Variants in SBK2 observed in about 807,000 individuals in gnomAD.
The protein encoded by SBK2 is serine/threonine-protein kinase SBK2.
Under a neutral mutation model 15.9 loss-of-function variants are expected in SBK2, and 18 were observed. The observed-to-expected ratio is 1.13, with a 90% confidence interval of 0.78 to 1.68. SBK2 has a LOEUF of 1.68. SBK2 is among the 40% of genes most tolerant of loss of function. SBK2 has a pLI of 0.00. For missense variants in SBK2, 581 were observed against 510.9 expected (o/e 1.14, Z -1.32); for synonymous variants, 284 against 246.8 (o/e 1.15, Z -1.41).
chr19:55,532,601 C>CTTTTTTTT (rs10682612), intron 2 of SBK2, among the ~76,000 whole-genome samples: 1 of 128,374 alleles, frequency 7.8e-6, no homozygotes. Flanking sequence ...TACACCCGCC[C>CTTTTTTTT]TTTTTTTTTT....
In SBK2 at chr19:55,528,655, A is replaced by G. The variant is rs1988169891; in HGVS notation, c.*1078T>C. Among the ~76,000 whole-genome samples the G allele has an allele frequency of 6.6e-6, 1 of 152,174 alleles. No homozygotes were observed. Among genetic ancestry groups the G allele is most frequent in the African/African-American group, 2.4e-5 (1 of 41,440 alleles). On this transcript the variant is annotated 3_prime_UTR_variant, in exon 4 of 4. Coordinates refer to ENST00000413299, the MANE Select transcript of SBK2 (RefSeq NM_001370096.2). The stretch of plus-strand genomic sequence containing the variant: ...TTATTTGCAGAGTGGCTGGGGCGAG[A>G]GAAGGCAAAACACATCACAGAGAGG...
intron 1 of SBK2, among the ~76,000 whole-genome samples, chr19:55,536,634 C>G (rs1188510857): frequency 2.0e-5 from 3 of 151,796 alleles, no homozygotes; most frequent in Admixed American, 2.0e-4. Context: ...TGAGAACAAA[C>G]AGGTGCTCTT....
intron 2 of SBK2, among the ~76,000 whole-genome samples, chr19:55,533,301 C>A (rs1006040779): frequency 6.6e-6 from 1 of 150,424 alleles, no homozygotes; most frequent in African/African-American, 2.5e-5. Flanking sequence ...ACTCCACTCA[C>A]TGCAGCCTGG....
At position 55,531,205 on chromosome 19, in the gene SBK2, A is replaced by G. The variant is rs752917764; in HGVS notation, c.394T>C (p.Ser132Pro). 6 of 1,613,394 alleles carry G rather than the reference A, an allele frequency of 3.7e-6. No individual in the cohort carries two copies. The Admixed American group carries it at 1.0e-4, about 27-fold the overall frequency. ...AYGIGIESAHSYSFLTEPVLH... is the reference protein window; with the variant it reads ...AYGIGIESAHPYSFLTEPVLH... ...ACGGGCTCCGTCAGGAAGCTGTAGG[A>G]GTGTGCCGACTCGATGCCAATGCCG... Residue 132 changes from serine (S) to proline (P), a missense_variant, in exon 3 of 4, where the codon TCC becomes CCC. Ser to Pro is a moderately conservative substitution (Grantham distance 74). Coordinates refer to ENST00000413299, the MANE Select transcript of SBK2 (RefSeq NM_001370096.2).
chr19:55,534,048 C>T (rs117464692), intron 2 of SBK2, among the ~76,000 whole-genome samples: 2,745 of 152,252 alleles, frequency 0.018, 37 homozygotes, highest in Middle Eastern at 0.1. Context: ...TCTCTGCATC[C>T]GTGGCTCTTC....
At chr19:55,532,878 A>G (rs1395074586) in intron 2 of SBK2, among the ~76,000 whole-genome samples, 1 of 151,584 alleles carries the variant, frequency 6.6e-6, no homozygotes, top group Non-Finnish European at 1.5e-5. Context: ...GCTGGTCTCA[A>G]ACTCCTAGGC....
chr19:55,535,718 TAC>T (rs1177201083), intron 2 of SBK2, among the ~76,000 whole-genome samples: 1 of 151,642 alleles, frequency 6.6e-6, no homozygotes, highest in Non-Finnish European at 1.5e-5. Context: ...GAAAGAAAAA[TAC>T]ACACACACAC....
chr19:55,534,688 C>CAG (rs1215743637), intron 2 of SBK2, among the ~76,000 whole-genome samples: 3 of 113,948 alleles, frequency 2.6e-5, no homozygotes, highest in African/African-American at 3.6e-5. Flanking sequence ...GCCTGGACAA[C>CAG]AGCGAGACCC....
At position 55,529,664 on chromosome 19, in the gene SBK2, C is replaced by T. The variant is rs978448449; in HGVS notation, c.*69G>A. Reference sequence around the variant, plus strand: ...CATGGATGAAAACACACCGAGGAGACACCAAAAGCCGTTGGCCTTGGGGGC... The same window carrying T: ...CATGGATGAAAACACACCGAGGAGATACCAAAAGCCGTTGGCCTTGGGGGC... On this transcript the variant is annotated 3_prime_UTR_variant, in exon 4 of 4. Transcript: ENST00000413299. The T allele has an allele frequency of 6.5e-7, 1 of 1,544,600 alleles. No homozygotes were observed. Among genetic ancestry groups the T allele is most frequent in the South Asian group, 1.2e-5 (1 of 84,280 alleles).
chr19:55,529,831 C>T lies in SBK2; in HGVS notation c.949G>A (p.Ala317Thr), dbSNP rs1270988194. The T allele has an allele frequency of 5.0e-6, 8 of 1,603,934 alleles. No homozygotes were observed. Among genetic ancestry groups the T allele is most frequent in the South Asian group, 1.1e-5 (1 of 91,044 alleles). Residue 317 changes from alanine to threonine, a missense_variant, in exon 4 of 4, where the codon GCT (alanine) becomes ACT (threonine). Coordinates refer to ENST00000413299, the MANE Select transcript of SBK2 (RefSeq NM_001370096.2). ...AGGTGCTCCCTGATGGCGATCACAGCGCTCCTCCTTCGGGGGTGAGGGTCC... is the reference window on the plus strand; with the variant it reads ...AGGTGCTCCCTGATGGCGATCACAGTGCTCCTCCTTCGGGGGTGAGGGTCC... ...LLDPHPRRRSAVIAIREHLGR... is the reference protein window; with the variant it reads ...LLDPHPRRRSTVIAIREHLGR...
chr19:55,528,656 G>C lies in SBK2; in HGVS notation c.*1077C>G, dbSNP rs1205429723. ...TATTTGCAGAGTGGCTGGGGCGAGA[G>C]AAGGCAAAACACATCACAGAGAGGG... On this transcript the variant is annotated 3_prime_UTR_variant, in exon 4 of 4. Coordinates refer to ENST00000413299, the MANE Select transcript of SBK2 (RefSeq NM_001370096.2). 6.6e-6 allele frequency among the ~76,000 whole-genome samples: 1 copy of C among 152,190 alleles called. No individual in the cohort carries two copies. Among genetic ancestry groups the C allele is most frequent in the East Asian group, 1.9e-4 (1 of 5,194 alleles).
At position 55,529,772 on chromosome 19, in the gene SBK2, C is replaced by G. The variant is rs759723368; in HGVS notation, c.1008G>C (p.Ala336=). The change falls in exon 4 of 4, where the codon GCG becomes GCC. Residue 336 remains alanine, a synonymous_variant. Coordinates refer to ENST00000413299, the MANE Select transcript of SBK2 (RefSeq NM_001370096.2). ...GRPWRQREGE[A]EAVGAVEEEA... ...CCTCTTCCACCGCTCCCACTGCCTCCGCCTCGCCCTCCCGCTGCCTCCAGG... is the reference window on the plus strand; with the variant it reads ...CCTCTTCCACCGCTCCCACTGCCTCGGCCTCGCCCTCCCGCTGCCTCCAGG... 3 of 1,603,228 alleles carry G rather than the reference C, an allele frequency of 1.9e-6. No homozygotes were observed. Among genetic ancestry groups the G allele is most frequent in the Non-Finnish European group, 2.5e-6 (3 of 1,179,708 alleles).
In SBK2 at chr19:55,535,245, G is replaced by A. The variant is rs184746427; in HGVS notation, c.253+797C>T. Among the ~76,000 whole-genome samples, 12 of 152,124 alleles carry A rather than the reference G, an allele frequency of 7.9e-5. No individual in the cohort carries two copies. The East Asian group carries it at 1.9e-3, about 25-fold the overall frequency. ...CGTGCCCTGAACTGACTGACCTCAGGTTGCCTCCCTATTTTCCGTTTCATG... is the reference window on the plus strand; with the variant it reads ...CGTGCCCTGAACTGACTGACCTCAGATTGCCTCCCTATTTTCCGTTTCATG... On this transcript the variant is annotated intron_variant, in intron 2 of 3. Coordinates refer to ENST00000413299, the MANE Select transcript of SBK2 (RefSeq NM_001370096.2).
intron 1 of SBK2, among the ~76,000 whole-genome samples, chr19:55,536,818 G>A (rs1988419998): frequency 2.0e-5 from 3 of 146,416 alleles, no homozygotes; most frequent in South Asian, 4.6e-4. Flanking sequence ...CCAGGCCCAG[G>A]GGTCCAGGCC....
At position 55,529,883 on chromosome 19, in the gene SBK2, C is replaced by A. The variant is rs764042356; in HGVS notation, c.897G>T (p.Ala299=). 6.3e-7 allele frequency: 1 copy of A among 1,587,170 alleles called. No individual in the cohort carries two copies. Among genetic ancestry groups the A allele is most frequent in the Non-Finnish European group, 8.5e-7 (1 of 1,169,822 alleles). Residue 299 remains alanine (A), a synonymous_variant, in exon 4 of 4, where the codon GCG becomes GCT. Transcript: ENST00000413299. ...RPQPWFGLAA[A]ADALLRGLLD... Reference sequence around the variant, plus strand: ...GCAGCCCCCGCAGAAGCGCGTCGGCCGCGGCGGCCAGGCCGAACCAGGGCT... The same window carrying A: ...GCAGCCCCCGCAGAAGCGCGTCGGCAGCGGCGGCCAGGCCGAACCAGGGCT...
At position 55,529,874 on chromosome 19, in the gene SBK2, C is replaced by T. The variant is rs776498314; in HGVS notation, c.906G>A (p.Ala302=). The T allele has an allele frequency of 1.0e-5, 16 of 1,592,318 alleles. No homozygotes were observed. Among genetic ancestry groups the T allele is most frequent in the Admixed American group, 1.7e-5 (1 of 58,104 alleles). ...GAGGGTCCAGCAGCCCCCGCAGAAG[C>T]GCGTCGGCCGCGGCGGCCAGGCCGA... ...PWFGLAAAAD[A]LLRGLLDPHP... is the part of the protein sequence containing the mutation. Residue 302 remains alanine, a synonymous_variant, in exon 4 of 4, where the codon GCG becomes GCA. Transcript: ENST00000413299.
Position 55,536,257 on chromosome 19 carries a change from G to A in SBK2, c.38C>T (p.Ala13Val). 2 of 1,589,022 alleles carry A rather than the reference G, an allele frequency of 1.3e-6. No homozygotes were observed. The highest frequency in any genetic ancestry group is 8.5e-7 in the Non-Finnish European group (1 of 1,171,484). The change falls in exon 2 of 4, where the codon GCA becomes GTA. Residue 13 changes from alanine (A) to valine (V), a missense_variant. Coordinates refer to ENST00000413299, the MANE Select transcript of SBK2 (RefSeq NM_001370096.2). Reference protein sequence around the residue: ...GKQSEEGPAEAGASEDSEEEG... With the variant: ...GKQSEEGPAEVGASEDSEEEG... ...CTCCTCGCTGTCCTCCGAAGCCCCT[G>A]CCTCCGCCGGCCCTTCCTCAGACTG... is the stretch of plus-strand genomic sequence containing the variant.
In SBK2 at chr19:55,537,125, C is replaced by G. The variant is rs1988430589; in HGVS notation, c.-74G>C. The G allele has an allele frequency of 6.5e-6, 1 of 152,832 alleles. No homozygotes were observed. The highest frequency in any genetic ancestry group is 6.5e-5 in the Admixed American group (1 of 15,294). The allele number at this position is 152,832 out of a possible 1,614,324, so 9.5% of individuals were successfully genotyped here. The stretch of plus-strand genomic sequence containing the variant: ...GCCCGGCACTTAGGGCTCATGCCAG[C>G]AGAGGCCTGCCTAGGAGCAAGACCC... On this transcript the variant is annotated 5_prime_UTR_variant, in exon 1 of 4. Coordinates refer to ENST00000413299, the MANE Select transcript of SBK2 (RefSeq NM_001370096.2).
In SBK2 at chr19:55,531,170, C is replaced by T; in HGVS notation, c.429G>A (p.Gly143=). 2 of 1,612,570 alleles carry T rather than the reference C, an allele frequency of 1.2e-6. No individual in the cohort carries two copies. The highest frequency in any genetic ancestry group is 1.7e-6 in the Non-Finnish European group (2 of 1,179,942). Residue 143 remains glycine, a synonymous_variant, in exon 3 of 4, where the codon GGG becomes GGA. Transcript: ENST00000413299. ...TGGGCTGGATGAAGGCCATGAGGTC[C>T]CCGTGCAGGACGGGCTCCGTCAGGA... ...YSFLTEPVLH[G]DLMAFIQPKV...
Sources: gnomAD v4.1 joint callset for allele counts (sites outside exome capture counted in the v4.1 genomes callset) on GRCh38, gnomAD v4.1.1 for gene constraint, MANE v1.5 for transcripts, NCBI Gene and HGNC (gene_info 2026-07-23, HGNC 2026-07-21) for gene names.